Variants in CTNNBL1 observed in about 807,000 individuals in gnomAD.
CTNNBL1 encodes beta-catenin-like protein 1.
Under a neutral mutation model 72.7 loss-of-function variants are expected in CTNNBL1, and 31 were observed. The observed-to-expected ratio is 0.43, with a 90% CI of 0.32 to 0.58. The LOEUF is 0.58. Ranked by LOEUF, CTNNBL1 falls within the 20% of genes least tolerant of loss-of-function variation. The pLI is 0.08. For synonymous variants in CTNNBL1, 240 were observed against 267.3 expected, an observed-to-expected ratio of 0.90 and a Z score of 1.00; for missense variants, 534 against 725.1, an observed-to-expected ratio of 0.74 and a Z score of 3.03.
chr20:37,737,358 C>T lies in CTNNBL1; in HGVS notation c.220-20C>T, dbSNP rs1335962657. ...AAACCCCTGTGGACTGAAGTTTTTG[C>T]ATTTGTCTCTTTGTACCAGGAGGAG... On this transcript the variant is annotated intron_variant, in intron 2 of 15. Coordinates refer to ENST00000361383, the MANE Select transcript of CTNNBL1 (RefSeq NM_030877.5). The T allele has an allele frequency of 3.8e-6, 6 of 1,581,408 alleles. No homozygotes were observed. The highest frequency in any genetic ancestry group is 5.2e-6 in the Non-Finnish European group (6 of 1,152,696).
At chr20:37,861,154 A>G (rs997481386) in intron 15 of CTNNBL1, among the ~76,000 whole-genome samples, 16 of 152,332 alleles carry the variant, frequency 1.1e-4, no homozygotes, top group African/African-American at 3.8e-4. Flanking sequence ...GAAATTTTGC[A>G]AAGGTTACAG....
In CTNNBL1 at chr20:37,816,697, TG is replaced by T. The variant is rs2072062553; in HGVS notation, c.1213+13651del. ...AAGTAACACTTTCCTTCCTTGTCCC[TG>T]GCTCCAAAGCAGAAAGAAAAGTATG... On this transcript the variant is annotated intron_variant, in intron 11 of 15. Transcript: ENST00000361383. 7.2e-5 allele frequency among the ~76,000 whole-genome samples: 11 copies of T among 152,242 alleles called. No individual in the cohort carries two copies. In the South Asian group the frequency reaches 2.3e-3, roughly 32 times the overall value.
intron 11 of CTNNBL1, among the ~76,000 whole-genome samples, chr20:37,828,942 GA>G (rs980991899): frequency 2.0e-5 from 3 of 152,102 alleles, no homozygotes; most frequent in African/African-American, 7.3e-5. Context: ...GTTATGGCTT[GA>G]TTTGACAGGG....
At chr20:37,754,227 A>T (rs1358162309) in intron 4 of CTNNBL1, among the ~76,000 whole-genome samples, 1 of 151,712 alleles carries the variant, frequency 6.6e-6, no homozygotes, top group African/African-American at 2.4e-5. Flanking sequence ...GCATTATTGC[A>T]TGCTGATTTA....
intron 10 of CTNNBL1, among the ~76,000 whole-genome samples, chr20:37,799,859 A>G (rs938624943): frequency 3.9e-5 from 6 of 152,214 alleles, no homozygotes; most frequent in African/African-American, 9.6e-5. Context: ...AGGATGGCCA[A>G]CGCTCTCTCT....
chr20:37,824,362 A>G (rs532389968), intron 11 of CTNNBL1, among the ~76,000 whole-genome samples: 9 of 152,358 alleles, frequency 5.9e-5, no homozygotes, highest in East Asian at 1.9e-4. Flanking sequence ...CTTTTCACCA[A>G]TGCTTGCATT....
In CTNNBL1 at chr20:37,860,268, T is replaced by C. The variant is rs992394970; in HGVS notation, c.1531-4T>C. On this transcript the variant is annotated splice_region_variant and splice_polypyrimidine_tract_variant and intron_variant, in intron 14 of 15. Transcript: ENST00000361383. ...CTTTCTCTACCCATTTTTTCCCTTATTAGATTCGCCAGAGGGTTCACCAGA... is the reference window on the plus strand; with the variant it reads ...CTTTCTCTACCCATTTTTTCCCTTACTAGATTCGCCAGAGGGTTCACCAGA... 4 of 1,613,690 alleles carry C rather than the reference T, an allele frequency of 2.5e-6. No individual in the cohort carries two copies. The highest frequency in any genetic ancestry group is 3.4e-6 in the Non-Finnish European group (4 of 1,179,580).
At chr20:37,858,626 T>G (rs2072463637) in intron 13 of CTNNBL1, among the ~76,000 whole-genome samples, 1 of 152,186 alleles carries the variant, frequency 6.6e-6, no homozygotes, top group African/African-American at 2.4e-5. Context: ...ATGTTAAAAA[T>G]TGATTGCACA....
intron 6 of CTNNBL1, 70 bp from the exon 7 acceptor site, chr20:37,767,883 T>C: frequency 7.9e-7 from 1 of 1,262,772 alleles, no homozygotes; most frequent in Non-Finnish European, 1.2e-6. Flanking sequence ...ATGCCTGTCA[T>C]GGGAAGCAAG....
At chr20:37,727,136 A>G (rs2073091818) in intron 1 of CTNNBL1, among the ~76,000 whole-genome samples, 1 of 152,160 alleles carries the variant, frequency 6.6e-6, no homozygotes. Flanking sequence ...CATTATAGCT[A>G]CAGCTTCTCA....
intron 5 of CTNNBL1, among the ~76,000 whole-genome samples, chr20:37,764,506 A>G (rs893172093): frequency 1.4e-4 from 21 of 152,014 alleles, no homozygotes; most frequent in African/African-American, 4.1e-4. Flanking sequence ...CTGAGTCACT[A>G]ATGTCTTGAA....
chr20:37,781,387 T>C (rs1312251672), intron 10 of CTNNBL1, among the ~76,000 whole-genome samples: 2 of 152,144 alleles, frequency 1.3e-5, no homozygotes, highest in African/African-American at 4.8e-5. Context: ...AGGTATTGCA[T>C]AGCAGAGGGG....
At chr20:37,794,067 C>T (rs1364488781) in intron 10 of CTNNBL1, among the ~76,000 whole-genome samples, 2 of 152,144 alleles carry the variant, frequency 1.3e-5, no homozygotes, top group Non-Finnish European at 2.9e-5. Context: ...GCATGAGCCA[C>T]CGCACCCGGC....
intron 10 of CTNNBL1, among the ~76,000 whole-genome samples, chr20:37,796,642 A>ATG (rs998204357): frequency 1.3e-5 from 2 of 152,088 alleles, no homozygotes; most frequent in Non-Finnish European, 2.9e-5. Context: ...GCTCTATCAC[A>ATG]TATCAGGCCT....
At chr20:37,703,727 G>A (rs917809077) in intron 1 of CTNNBL1, among the ~76,000 whole-genome samples, 3 of 151,980 alleles carry the variant, frequency 2.0e-5, no homozygotes, top group African/African-American at 7.2e-5. Flanking sequence ...CTTGAAAGGA[G>A]CCTTGGAACT....
At chr20:37,746,273 A>G (rs938761211) in intron 3 of CTNNBL1, among the ~76,000 whole-genome samples, 195 bp from the exon 4 acceptor site, 4 of 152,214 alleles carry the variant, frequency 2.6e-5, no homozygotes, top group African/African-American at 9.7e-5. Flanking sequence ...TCTGAATCCA[A>G]GATTGATTTT....
At chr20:37,859,230 G>A (rs1459063159) in intron 13 of CTNNBL1, among the ~76,000 whole-genome samples, 1 of 151,974 alleles carries the variant, frequency 6.6e-6, no homozygotes, top group Non-Finnish European at 1.5e-5. Flanking sequence ...GGTGGCACGT[G>A]CCTGTAATCC....
chr20:37,841,078 A>G (rs772181113), intron 12 of CTNNBL1, among the ~76,000 whole-genome samples: 1 of 152,254 alleles, frequency 6.6e-6, no homozygotes, highest in Non-Finnish European at 1.5e-5. Context: ...TGGATTGGAT[A>G]ATAGAGAAGA....
chr20:37,715,885 G>A (rs918890140), intron 1 of CTNNBL1, among the ~76,000 whole-genome samples: 2 of 152,176 alleles, frequency 1.3e-5, no homozygotes, highest in African/African-American at 4.8e-5. Context: ...GGTTGTAACT[G>A]ACTGGAGATT....
Sources: gnomAD v4.1 joint callset for allele counts (sites outside exome capture counted in the v4.1 genomes callset) on GRCh38, gnomAD v4.1.1 for gene constraint, MANE v1.5 for transcripts, NCBI Gene and HGNC (gene_info 2026-07-23, HGNC 2026-07-21) for gene names.